MTSS1: variants seen among roughly 807,000 people sequenced by gnomAD.
MTSS1 encodes protein MTSS 1.
Under a neutral mutation model 79.0 loss-of-function variants are expected in MTSS1, and 18 were observed. That is an observed-to-expected ratio of 0.23 (90% CI 0.16 to 0.34). The LOEUF (loss-of-function observed/expected upper bound fraction) is 0.34, where lower values mean the gene tolerates loss of function less well. MTSS1 is among the 10% of genes least tolerant of loss of function. The pLI, the probability that MTSS1 is intolerant of heterozygous loss-of-function variation, is 1.00. For synonymous variants in MTSS1, 341 were observed against 368.6 expected (o/e 0.93, Z 0.86); for missense variants, 815 against 986.2 (o/e 0.83, Z 2.33).
rs1168259454 is a variant in MTSS1 at position 124,568,595 on chromosome 8, C to G, written c.461-59G>C. ...GAAATACCAGCTTCTGGAACAAGTG[C>G]CCCTCCTCCCTGGGGTCCTTGCTGG... On this transcript the variant is annotated intron_variant, in intron 6 of 13. Coordinates refer to ENST00000518547, the MANE Select transcript of MTSS1 (RefSeq NM_014751.6). 1.9e-6 allele frequency: 3 copies of G among 1,608,680 alleles called. No homozygotes were observed. The Admixed American group carries it at 5.0e-5, about 27-fold the overall frequency.
intron 3 of MTSS1, among the ~76,000 whole-genome samples, chr8:124,682,319 A>G (rs1826251399): frequency 6.6e-6 from 1 of 152,318 alleles, no homozygotes; most frequent in South Asian, 2.1e-4. Flanking sequence ...GCTCGGCCCT[A>G]TTTGCTAAAT....
intron 3 of MTSS1, among the ~76,000 whole-genome samples, chr8:124,667,296 G>A (rs1348669268): frequency 6.6e-6 from 1 of 152,114 alleles, no homozygotes; most frequent in Non-Finnish European, 1.5e-5. Flanking sequence ...AGAAGGCCAA[G>A]ACAGAAATGG....
chr8:124,688,347 T>TG (rs1554719634), intron 3 of MTSS1, among the ~76,000 whole-genome samples: 1 of 151,346 alleles, frequency 6.6e-6, no homozygotes, highest in Admixed American at 6.6e-5. Context: ...TGTATGTGTG[T>TG]TGTGTGTGTG....
At chr8:124,555,253 TA>T (rs1823351646) in intron 13 of MTSS1, among the ~76,000 whole-genome samples, 2 of 152,036 alleles carry the variant, frequency 1.3e-5, no homozygotes, top group South Asian at 4.1e-4. Flanking sequence ...TATTTATTAT[TA>T]TTTTTTTTTG....
chr8:124,578,689 G>A (rs1829459403), intron 6 of MTSS1, among the ~76,000 whole-genome samples: 1 of 152,124 alleles, frequency 6.6e-6, no homozygotes, highest in South Asian at 2.1e-4. Flanking sequence ...CAGCTACTTG[G>A]GAGGCTGAGG....
At chr8:124,693,778 C>A (rs1021158997) in intron 3 of MTSS1, among the ~76,000 whole-genome samples, 1 of 152,204 alleles carries the variant, frequency 6.6e-6, no homozygotes, top group African/African-American at 2.4e-5. Flanking sequence ...TTGCTTCCTC[C>A]ACTTCCTTTG....
chr8:124,662,409 T>C (rs987038084), intron 3 of MTSS1, among the ~76,000 whole-genome samples: 2 of 152,172 alleles, frequency 1.3e-5, no homozygotes, highest in Admixed American at 6.5e-5. Flanking sequence ...AAAAAAATAC[T>C]GTATGCCATA....
chr8:124,559,910 ATTC>A (rs1366399502), intron 10 of MTSS1, among the ~76,000 whole-genome samples: 1 of 152,186 alleles, frequency 6.6e-6, no homozygotes, highest in Non-Finnish European at 1.5e-5. Context: ...GTGTTCCTGT[ATTC>A]ACCATCAAGG....
intron 3 of MTSS1, among the ~76,000 whole-genome samples, chr8:124,642,073 C>T (rs1818154459): frequency 6.6e-6 from 1 of 152,106 alleles, no homozygotes; most frequent in Non-Finnish European, 1.5e-5. Flanking sequence ...GAAAGGAAAA[C>T]AGTTCCAGAA....
chr8:124,612,427 T>C (rs978999695), intron 3 of MTSS1, among the ~76,000 whole-genome samples: 1 of 152,202 alleles, frequency 6.6e-6, no homozygotes, highest in African/African-American at 2.4e-5. Flanking sequence ...GAAGACAAGC[T>C]TGCAGTCCCT....
At chr8:124,708,735 T>G (rs927891368) in intron 1 of MTSS1, among the ~76,000 whole-genome samples, 6 of 152,262 alleles carry the variant, frequency 3.9e-5, no homozygotes, top group African/African-American at 1.4e-4. Context: ...GGGGTACAGC[T>G]AACAGCTCCC....
intron 6 of MTSS1, among the ~76,000 whole-genome samples, chr8:124,579,447 T>C (rs1829615816): frequency 6.6e-6 from 1 of 152,204 alleles, no homozygotes; most frequent in Non-Finnish European, 1.5e-5. Flanking sequence ...GTGGCGATGG[T>C]TGCATAACAC....
At position 124,653,768 on chromosome 8, in the gene MTSS1, T is replaced by C. The variant is rs531924630; in HGVS notation, c.208+45758A>G. ...CAAACACAAAAAAATAAAACAGGGATTCATAACATTTACTTTGCATAAAAA... is the reference window on the plus strand; with the variant it reads ...CAAACACAAAAAAATAAAACAGGGACTCATAACATTTACTTTGCATAAAAA... On this transcript the variant is annotated intron_variant, in intron 3 of 13. Transcript: ENST00000518547. Among the ~76,000 whole-genome samples the C allele has an allele frequency of 3.3e-5, 5 of 152,152 alleles. No homozygotes were observed. The East Asian group carries it at 7.7e-4, about 24-fold the overall frequency.
At chr8:124,601,558 A>T (rs1833818057) in intron 3 of MTSS1, among the ~76,000 whole-genome samples, 1 of 152,210 alleles carries the variant, frequency 6.6e-6, no homozygotes, top group African/African-American at 2.4e-5. Context: ...ATATGAGAAA[A>T]TAGTCTCTCC....
Position 124,562,830 on chromosome 8 carries a change from G to A in MTSS1, c.987C>T (p.Ala329=), listed in dbSNP as rs1438751277. 1 of 1,614,076 alleles carries A rather than the reference G, an allele frequency of 6.2e-7. No individual in the cohort carries two copies. Among genetic ancestry groups the A allele is most frequent in the Non-Finnish European group, 8.5e-7 (1 of 1,180,040 alleles). ...TGGGGGATGGTGACTTGGACTGGAA[G>A]GCATCCTGGGATATGAATCCTGAGT... ...SHDSGFISQD[A]FQSKSPSPMP... The change falls in exon 10 of 14, where the codon GCC becomes GCT. Residue 329 remains alanine (A), a synonymous_variant. Transcript: ENST00000518547.
chr8:124,639,081 A>G (rs1187954256), intron 3 of MTSS1, among the ~76,000 whole-genome samples: 2 of 152,222 alleles, frequency 1.3e-5, no homozygotes, highest in Non-Finnish European at 2.9e-5. Flanking sequence ...TCATGCCTGT[A>G]ATCTCAGCAC....
chr8:124,694,796 G>A (rs1008846269), intron 3 of MTSS1, among the ~76,000 whole-genome samples: 2 of 152,214 alleles, frequency 1.3e-5, no homozygotes, highest in South Asian at 2.1e-4. Flanking sequence ...GCTCCACAAA[G>A]CCTCGGGTTC....
intron 1 of MTSS1, among the ~76,000 whole-genome samples, chr8:124,709,531 G>A (rs183338100): frequency 2.0e-5 from 3 of 152,336 alleles, no homozygotes; most frequent in East Asian, 1.9e-4. Context: ...ATGAGAAGGC[G>A]CACCTCCTCC....
At chr8:124,585,694 C>T (rs1830741800) in intron 5 of MTSS1, among the ~76,000 whole-genome samples, 2 of 152,132 alleles carry the variant, frequency 1.3e-5, no homozygotes, top group Admixed American at 1.3e-4. Flanking sequence ...AGGCATGAGC[C>T]ACCATGCCTG....
Sources: gnomAD v4.1 joint callset for allele counts (sites outside exome capture counted in the v4.1 genomes callset) on GRCh38, gnomAD v4.1.1 for gene constraint, MANE v1.5 for transcripts, NCBI Gene and HGNC (gene_info 2026-07-23, HGNC 2026-07-21) for gene names.